SETBP1: variants seen among roughly 807,000 people sequenced by gnomAD.
SETBP1 encodes SET-binding protein.
SETBP1 carries 9 observed loss-of-function variants against 101.0 expected under a neutral mutation model. That is an observed-to-expected ratio of 0.09 (90% confidence interval 0.05 to 0.16). The LOEUF (loss-of-function observed/expected upper bound fraction) is 0.16, where lower values mean the gene tolerates loss of function less well. Ranked by LOEUF, SETBP1 falls within the 10% of genes least tolerant of loss-of-function variation. SETBP1 has a pLI of 1.00. For synonymous variants in SETBP1, 818 were observed against 788.5 expected (o/e 1.04, Z -0.63); for missense variants, 1,858 against 2,033.8 (o/e 0.91, Z 1.66).
chr18:44,842,911 G>T (rs2072647798), intron 2 of SETBP1, among the ~76,000 whole-genome samples: 1 of 152,222 alleles, frequency 6.6e-6, no homozygotes, highest in Admixed American at 6.5e-5. Context: ...AGATGCTGAG[G>T]TCATCAGCCA....
intron 2 of SETBP1, among the ~76,000 whole-genome samples, chr18:44,714,392 G>T (rs2069414911): frequency 6.6e-6 from 1 of 152,056 alleles, no homozygotes; most frequent in Non-Finnish European, 1.5e-5. Context: ...AGTAGAGATG[G>T]GGTTTTGCCA....
At chr18:44,935,970 T>G (rs1386154508) in intron 3 of SETBP1, among the ~76,000 whole-genome samples, 1 of 152,232 alleles carries the variant, frequency 6.6e-6, no homozygotes, top group Non-Finnish European at 1.5e-5. Flanking sequence ...GAATGTGTTA[T>G]GTTTCTTTCT....
rs1380278468 is a variant in SETBP1, at chr18:44,952,646, G to A, written c.3306G>A (p.Lys1102=). ...PPQFHTNSHV[K]MSGAAKHKAK... ...AGTTCCACACAAACTCCCACGTAAA[G>A]ATGTCCGGTGCAGCTAAGCATAAAG... The change falls in exon 4 of 6, where the codon AAG becomes AAA. Residue 1102 remains lysine (K), a synonymous_variant. Coordinates refer to ENST00000649279, the MANE Select transcript of SETBP1 (RefSeq NM_015559.3). The A allele has an allele frequency of 6.2e-7, 1 of 1,613,976 alleles. No homozygotes were observed.
intron 4 of SETBP1, among the ~76,000 whole-genome samples, chr18:44,995,931 T>C (rs1196677221): frequency 6.6e-6 from 1 of 152,196 alleles, no homozygotes; most frequent in Non-Finnish European, 1.5e-5. Context: ...GTTTCCAACA[T>C]CTGAATTTTA....
At chr18:44,686,738 G>T (rs570147615) in intron 1 of SETBP1, among the ~76,000 whole-genome samples, 1 of 152,188 alleles carries the variant, frequency 6.6e-6, no homozygotes, top group Non-Finnish European at 1.5e-5. Context: ...CCCTTAGACA[G>T]TGTGAATAAT....
intron 2 of SETBP1, among the ~76,000 whole-genome samples, chr18:44,738,292 C>T (rs1454666936): frequency 6.6e-6 from 1 of 152,174 alleles, no homozygotes; most frequent in Non-Finnish European, 1.5e-5. Flanking sequence ...ACATCTCTTT[C>T]CACTTACTCT....
Position 45,038,500 on chromosome 18 carries a change from A to G in SETBP1, c.4016A>G (p.His1339Arg), listed in dbSNP as rs1238612391. 1.2e-6 allele frequency: 2 copies of G among 1,614,152 alleles called. No individual in the cohort carries two copies. The highest frequency in any genetic ancestry group is 1.7e-5 in the Admixed American group (1 of 60,022). Residue 1339 changes from histidine to arginine, a missense_variant, in exon 5 of 6, where the codon CAC (histidine) becomes CGC (arginine). His to Arg is a conservative substitution (Grantham distance 29, BLOSUM62 0). Around this residue, in one of 12 missense-constraint regions of SETBP1, gnomAD observed 417 missense variants for 389.1 expected, o/e 1.07. Transcript: ENST00000649279. ...TATTTTTTAGGGATGCCAAGTCCCC[A>G]CTTAAAAGTGGACCAGACAGCAGTG... is the stretch of plus-strand genomic sequence containing the variant. The part of the protein sequence containing the change: ...SSMSPGMPSP[H>R]LKVDQTAVHS...
chr18:44,736,252 G>A (rs1449420791), intron 2 of SETBP1, among the ~76,000 whole-genome samples: 1 of 152,166 alleles, frequency 6.6e-6, no homozygotes, highest in African/African-American at 2.4e-5. Context: ...GGTGGTGCAC[G>A]TCTGTCATCC....
chr18:44,864,081 A>C (rs1403499238), intron 2 of SETBP1, among the ~76,000 whole-genome samples: 3 of 152,152 alleles, frequency 2.0e-5, no homozygotes, highest in African/African-American at 4.8e-5. Context: ...CAGAGGGGAC[A>C]TGACGTTTGT....
At chr18:44,714,567 G>A (rs1281299653) in intron 2 of SETBP1, among the ~76,000 whole-genome samples, 1 of 151,714 alleles carries the variant, frequency 6.6e-6, no homozygotes, top group African/African-American at 2.4e-5. Context: ...ATTTTGCATT[G>A]GTAGTTAGAA....
Position 45,063,607 on chromosome 18 carries a change from C to G in SETBP1, c.4700C>G (p.Ser1567Trp). The change falls in exon 6 of 6, where the codon TCG (serine) becomes TGG (tryptophan). Residue 1567 changes from serine to tryptophan, a missense_variant. Coordinates refer to ENST00000649279, the MANE Select transcript of SETBP1 (RefSeq NM_015559.3). Reference sequence around the variant, plus strand: ...GCCCCCGCTCAGCCCCCACAGCAGTCGCCCCCGCAGCAGCCCCTTCCCCAG... The same window carrying G: ...GCCCCCGCTCAGCCCCCACAGCAGTGGCCCCCGCAGCAGCCCCTTCCCCAG... Reference protein sequence around the residue: ...PQAPAQPPQQSPPQQPLPQEE... With the variant: ...PQAPAQPPQQWPPQQPLPQEE... 1 of 1,584,096 alleles carries G rather than the reference C, an allele frequency of 6.3e-7. No homozygotes were observed. The highest frequency in any genetic ancestry group is 8.6e-7 in the Non-Finnish European group (1 of 1,164,330).
intron 5 of SETBP1, among the ~76,000 whole-genome samples, chr18:45,040,194 C>T (rs1280853249): frequency 2.0e-5 from 3 of 152,108 alleles, no homozygotes; most frequent in Admixed American, 6.5e-5. Flanking sequence ...TGAGCCTTCA[C>T]TTGGTGTGAA....
At chr18:44,904,302 A>C (rs2070121717) in intron 3 of SETBP1, among the ~76,000 whole-genome samples, 1 of 152,204 alleles carries the variant, frequency 6.6e-6, no homozygotes, top group Non-Finnish European at 1.5e-5. Flanking sequence ...ACAAAACATA[A>C]CACAAATGCA....
rs111916615 is a variant in SETBP1, at chr18:44,938,958, ATG to A, written c.541-10899_541-10898del. Reference sequence around the variant, plus strand: ...TGCTGCTTGGCTTTGGAGTGTGTGCATGTGTGTGTGTGTGTGTGTGTGTGTCT... The same window carrying A: ...TGCTGCTTGGCTTTGGAGTGTGTGCATGTGTGTGTGTGTGTGTGTGTGTCT... On this transcript the variant is annotated intron_variant, in intron 3 of 5. Coordinates refer to ENST00000649279, the MANE Select transcript of SETBP1 (RefSeq NM_015559.3). 4.5e-3 allele frequency among the ~76,000 whole-genome samples: 668 copies of A among 147,230 alleles called. 4 individuals carry two copies. Among genetic ancestry groups the A allele is most frequent in the Non-Finnish European group, 7.4e-3 (494 of 66,536 alleles).
intron 2 of SETBP1, among the ~76,000 whole-genome samples, chr18:44,755,834 G>A (rs374413465): frequency 2.6e-5 from 4 of 152,020 alleles, no homozygotes; most frequent in Non-Finnish European, 5.9e-5. Context: ...AACCAATACA[G>A]CTTGGTTAAA....
intron 2 of SETBP1, among the ~76,000 whole-genome samples, chr18:44,790,495 T>C (rs1191185476): frequency 1.3e-5 from 2 of 152,198 alleles, no homozygotes; most frequent in Non-Finnish European, 2.9e-5. Context: ...CACACTGAGG[T>C]GCTGCAAACC....
intron 4 of SETBP1, among the ~76,000 whole-genome samples, chr18:44,994,646 C>T (rs541550392): frequency 6.6e-6 from 1 of 152,184 alleles, no homozygotes; most frequent in African/African-American, 2.4e-5. Flanking sequence ...CTTGGTTGCC[C>T]ATTGACAATA....
chr18:44,738,369 C>G (rs1297685491), intron 2 of SETBP1, among the ~76,000 whole-genome samples: 1 of 152,184 alleles, frequency 6.6e-6, no homozygotes, highest in Non-Finnish European at 1.5e-5. Context: ...TTCAAGAGCT[C>G]CATAGCCCTG....
intron 2 of SETBP1, among the ~76,000 whole-genome samples, chr18:44,806,480 A>ATATATT (rs2071739373): frequency 1.3e-5 from 2 of 152,022 alleles, no homozygotes; most frequent in Non-Finnish European, 2.9e-5. Context: ...AAAGATATCT[A>ATATATT]TATATTTATG....
Sources: gnomAD v4.1 joint callset for allele counts (sites outside exome capture counted in the v4.1 genomes callset) on GRCh38, gnomAD v4.1.1 for gene constraint, gnomAD v4.1.1 regional missense constraint, MANE v1.5 for transcripts, NCBI Gene and HGNC (gene_info 2026-07-23, HGNC 2026-07-21) for gene names.